PACRG: variants seen among roughly 807,000 people sequenced by gnomAD.
PACRG encodes the protein parkin coregulated.
PACRG carries 29 observed loss-of-function variants against 29.7 expected under a neutral mutation model. The observed-to-expected ratio is 0.98, with a 90% CI of 0.73 to 1.33. The LOEUF is 1.33. Ranked by LOEUF, PACRG falls within the 40% of genes most tolerant of loss-of-function variation. The probability of loss-of-function intolerance (pLI) is 0.00; values close to 1 mark genes in which losing one functional copy is unlikely to be tolerated. For synonymous variants in PACRG, 116 were observed against 118.7 expected, an observed-to-expected ratio of 0.98 and a Z score of 0.15; for missense variants, 279 against 316.2, an observed-to-expected ratio of 0.88 and a Z score of 0.89.
chr6:163,192,784 ACTGG>A (rs1780272984), intron 4 of PACRG, among the ~76,000 whole-genome samples: 1 of 152,214 alleles, frequency 6.6e-6, no homozygotes, highest in South Asian at 2.1e-4. Context: ...GGTTAGGCTG[ACTGG>A]CTCCCAGGTT....
At chr6:163,136,713 A>AT (rs1157972612) in intron 4 of PACRG, among the ~76,000 whole-genome samples, 2 of 152,176 alleles carry the variant, frequency 1.3e-5, no homozygotes, top group South Asian at 2.1e-4. Flanking sequence ...CTACACCTTG[A>AT]TTTTTTGCCA....
rs114446615 is a variant in PACRG, at chr6:162,772,358, A to G, written c.157-41789A>G. On this transcript the variant is annotated intron_variant, in intron 1 of 4. Coordinates refer to ENST00000366888, the MANE Select transcript of PACRG (RefSeq NM_001080379.2). ...AATAATCAAAGAAACCTGAAAATCG[A>G]TGTGCAATAAAGGGTTACAAGATAT... 4.3e-3 allele frequency among the ~76,000 whole-genome samples: 655 copies of G among 152,314 alleles called. 5 individuals carry two copies. Among genetic ancestry groups the G allele is most frequent in the African/African-American group, 0.015 (610 of 41,570 alleles).
At chr6:162,977,422 C>T (rs1802049915) in intron 2 of PACRG, among the ~76,000 whole-genome samples, 1 of 150,022 alleles carries the variant, frequency 6.7e-6, no homozygotes, top group African/African-American at 2.5e-5. Flanking sequence ...AAAAAACCAG[C>T]AATAAGTCCT....
At chr6:162,964,105 T>C (rs548784445) in intron 2 of PACRG, among the ~76,000 whole-genome samples, 1 of 152,296 alleles carries the variant, frequency 6.6e-6, no homozygotes, top group East Asian at 1.9e-4. Context: ...AATGCTGGAA[T>C]ACAACACCGT....
At chr6:163,281,730 A>C (rs1784232687) in intron 4 of PACRG, among the ~76,000 whole-genome samples, 1 of 152,236 alleles carries the variant, frequency 6.6e-6, no homozygotes. Flanking sequence ...TAGAGTAATA[A>C]TATATAATTG....
intron 1 of PACRG, among the ~76,000 whole-genome samples, chr6:162,747,369 TAC>T (rs1562556595): frequency 0.012 from 527 of 44,098 alleles, 83 homozygotes; most frequent in African/African-American, 0.042. Flanking sequence ...TATATACACA[TAC>T]ATATATATGT....
chr6:162,773,659 C>A (rs1412411002), intron 1 of PACRG, among the ~76,000 whole-genome samples: 2 of 151,432 alleles, frequency 1.3e-5, no homozygotes, highest in African/African-American at 4.8e-5. Flanking sequence ...GGACTACAGG[C>A]GCCCGCCACC....
intron 2 of PACRG, among the ~76,000 whole-genome samples, chr6:162,831,828 G>A (rs1473934292): frequency 2.0e-5 from 3 of 152,176 alleles, no homozygotes; most frequent in African/African-American, 7.2e-5. Context: ...TTCCTGCAAA[G>A]GACGTAATCT....
At position 163,269,939 on chromosome 6, in the gene PACRG, G is replaced by GAAAGAA. The variant is rs61302364; in HGVS notation, c.614-44886_614-44881dup. On this transcript the variant is annotated intron_variant, in intron 4 of 4. Coordinates refer to ENST00000366888, the MANE Select transcript of PACRG (RefSeq NM_001080379.2). ...GAAAGAAAGAAAGAAAACAAAGAAA[G>GAAAGAA]AAAGAAAGAAAGAAAGAAAGAAAGA... Among the ~76,000 whole-genome samples, 3 of 20,002 alleles carry GAAAGAA rather than the reference G, an allele frequency of 1.5e-4. 1 individual carries two copies. The highest frequency in any genetic ancestry group is 2.9e-4 in the Non-Finnish European group (3 of 10,268). The allele number at this position is 20,002 out of a possible 152,430, so 13.1% of individuals were successfully genotyped here. A position where few individuals can be genotyped will look rare whatever the true frequency, so the allele number is the denominator to read the frequency against.
At chr6:162,941,108 C>T (rs1273988135) in intron 2 of PACRG, among the ~76,000 whole-genome samples, 1 of 151,956 alleles carries the variant, frequency 6.6e-6, no homozygotes, top group Non-Finnish European at 1.5e-5. Context: ...CAGTATCTTC[C>T]ACCGGGTGTC....
chr6:163,251,660 G>A (rs967001693), intron 4 of PACRG, among the ~76,000 whole-genome samples: 3 of 152,150 alleles, frequency 2.0e-5, no homozygotes, highest in Non-Finnish European at 4.4e-5. Context: ...TCTGTATTGC[G>A]CTGCTCGGAC....
intron 4 of PACRG, among the ~76,000 whole-genome samples, chr6:163,277,307 T>C (rs887427968): frequency 4.6e-5 from 7 of 151,974 alleles, no homozygotes; most frequent in Admixed American, 3.3e-4. Flanking sequence ...TCTCATGCCT[T>C]TGCGTCCTCA....
chr6:163,097,900 G>A (rs929628541), intron 4 of PACRG, among the ~76,000 whole-genome samples: 1 of 152,148 alleles, frequency 6.6e-6, no homozygotes, highest in Non-Finnish European at 1.5e-5. Context: ...GGAGGGTATG[G>A]AATGGGGAAA....
At chr6:162,743,163 G>A (rs956653600) in intron 1 of PACRG, among the ~76,000 whole-genome samples, 1 of 152,100 alleles carries the variant, frequency 6.6e-6, no homozygotes, top group Non-Finnish European at 1.5e-5. Flanking sequence ...GCATCTGAAT[G>A]TCTTATTTTG....
intron 2 of PACRG, among the ~76,000 whole-genome samples, chr6:162,969,120 A>G (rs1048694277): frequency 7.9e-5 from 12 of 151,150 alleles, no homozygotes; most frequent in African/African-American, 2.9e-4. Context: ...TTTAAGTTAG[A>G]CACTAATAGA....
At position 163,315,112 on chromosome 6, in the gene PACRG, T is replaced by C; in HGVS notation, c.*125T>C. ...TTTCTACAGCTGCTAAAATAGTGGC[T>C]TATGGGCCATTGGACTGTTAGCCCT... On this transcript the variant is annotated 3_prime_UTR_variant, in exon 5 of 5. Coordinates refer to ENST00000366888, the MANE Select transcript of PACRG (RefSeq NM_001080379.2). The C allele has an allele frequency of 8.8e-7, 1 of 1,137,100 alleles. No homozygotes were observed. The highest frequency in any genetic ancestry group is 1.2e-6 in the Non-Finnish European group (1 of 803,564). 70.4% of individuals were successfully genotyped at this position (1,137,100 alleles called of 1,614,324 possible).
At chr6:163,046,499 A>G (rs1191170806) in intron 2 of PACRG, 1 of 151,862 alleles carries the variant, frequency 6.6e-6, no homozygotes, top group African/African-American at 2.4e-5. Context: ...TCATTTTGCA[A>G]ATGATGAACT....
At chr6:163,117,881 T>C (rs1198627134) in intron 4 of PACRG, among the ~76,000 whole-genome samples, 1 of 152,164 alleles carries the variant, frequency 6.6e-6, no homozygotes, top group Non-Finnish European at 1.5e-5. Context: ...AATGTGTTGA[T>C]GTTCATGCTT....
intron 4 of PACRG, among the ~76,000 whole-genome samples, chr6:163,113,421 A>G (rs1281560527): frequency 6.6e-6 from 1 of 152,200 alleles, no homozygotes. Context: ...TCTAAGTAGG[A>G]TGAACTCAAA....
Sources: gnomAD v4.1 joint callset for allele counts (sites outside exome capture counted in the v4.1 genomes callset) on GRCh38, gnomAD v4.1.1 for gene constraint, MANE v1.5 for transcripts, NCBI Gene and HGNC (gene_info 2026-07-23, HGNC 2026-07-21) for gene names.